Variants in PTPRF observed in about 807,000 individuals in gnomAD.
PTPRF encodes protein tyrosine phosphatase receptor type F.
A neutral mutation model predicts 201.8 loss-of-function variants in PTPRF; 59 were observed. That is an observed-to-expected ratio of 0.29 (90% CI 0.24 to 0.36). The LOEUF (loss-of-function observed/expected upper bound fraction) is 0.36, where lower values mean the gene tolerates loss of function less well. Ranked by LOEUF, PTPRF falls within the 10% of genes least tolerant of loss-of-function variation. PTPRF has a pLI of 1.00. For missense variants in PTPRF, 2,132 were observed against 2,690.5 expected, an observed-to-expected ratio of 0.79 and a Z score of 4.59; for synonymous variants, 1,088 against 1,089.7, an observed-to-expected ratio of 1.00 and a Z score of 0.03.
chr1:43,620,538 C>T lies in PTPRF; in HGVS notation c.5323C>T (p.Pro1775Ser), dbSNP rs752820297. 2.5e-6 allele frequency: 4 copies of T among 1,614,096 alleles called. No individual in the cohort carries two copies. The highest frequency in any genetic ancestry group is 3.4e-6 in the Non-Finnish European group (4 of 1,179,952). The change falls in exon 31 of 34, where the codon CCC becomes TCC. Residue 1775 changes from proline (P) to serine (S), a missense_variant. Physicochemically the swap from Pro to Ser is moderately conservative, Grantham distance 74. Transcript: ENST00000359947. ...VVDPMAEYNMPQYILREFKVT... is the reference protein window; with the variant it reads ...VVDPMAEYNMSQYILREFKVT... ...TGACCCGATGGCTGAGTACAACATGCCCCAGTATATCCTGCGTGAGTTCAA... is the reference window on the plus strand; with the variant it reads ...TGACCCGATGGCTGAGTACAACATGTCCCAGTATATCCTGCGTGAGTTCAA...
Position 43,617,770 on chromosome 1 carries a change from C to T in PTPRF, c.4230C>T (p.Tyr1410=), listed in dbSNP as rs1480297066. 4.3e-6 allele frequency: 7 copies of T among 1,614,016 alleles called. No individual in the cohort carries two copies. The highest frequency in any genetic ancestry group is 5.9e-6 in the Non-Finnish European group (7 of 1,180,018). Residue 1410 remains tyrosine (Y), a synonymous_variant, in exon 25 of 34, where the codon TAC becomes TAT. Transcript: ENST00000359947. ...GGAGTGACTACATCAATGCCAACTA[C>T]ATCGATGGCTACCGCAAGCAGAATG... is the stretch of plus-strand genomic sequence containing the variant. ...VPGSDYINAN[Y]IDGYRKQNAY...
At chr1:43,551,590 G>T (rs975167009) in intron 3 of PTPRF, among the ~76,000 whole-genome samples, 21 of 152,294 alleles carry the variant, frequency 1.4e-4, no homozygotes, top group African/African-American at 5.1e-4. Context: ...CCGTAGGTGA[G>T]CTTAGGAGTG....
At chr1:43,530,637 G>C (rs908128178), upstream of PTPRF, among the ~76,000 whole-genome samples, 3 of 152,180 alleles carry the variant, frequency 2.0e-5, no homozygotes, top group African/African-American at 7.2e-5. This position sits in a 1 kb window ranked among gnomAD's most constrained non-coding sequence, Gnocchi z 4.1. Context: ...GGAGCCACTA[G>C]AAGGATCTGG....
chr1:43,547,501 C>G (rs1644756078), intron 3 of PTPRF, among the ~76,000 whole-genome samples: 1 of 152,232 alleles, frequency 6.6e-6, no homozygotes, highest in South Asian at 2.1e-4. Context: ...ACACTGCACA[C>G]AGTTTTGGAT....
chr1:43,591,519 C>T lies in PTPRF; in HGVS notation c.1497C>T (p.Pro499=). ...LAFTAVGDGP[P]SPTIQVKTQQ... is the part of the protein sequence containing the mutation. The stretch of plus-strand genomic sequence containing the variant: ...TCACCGCCGTGGGCGATGGCCCTCC[C>T]AGCCCCACCATCCAGGTCAAGACGC... The change falls in exon 9 of 34, where the codon CCC becomes CCT. Residue 499 remains proline, a synonymous_variant. Coordinates refer to ENST00000359947, the MANE Select transcript of PTPRF (RefSeq NM_002840.5). The T allele has an allele frequency of 1.3e-6, 2 of 1,598,748 alleles. No individual in the cohort carries two copies. The highest frequency in any genetic ancestry group is 2.2e-5 in the South Asian group (2 of 88,974).
chr1:43,622,095 T>C lies in PTPRF; in HGVS notation c.*92T>C, dbSNP rs1570770270. On this transcript the variant is annotated 3_prime_UTR_variant, in exon 34 of 34. Transcript: ENST00000359947. ...CATACCGACCATCGTCCAGCCCTCC[T>C]ACGCAGATGCTGTCACTGGCAGAGC... The C allele has an allele frequency of 7.4e-6, 10 of 1,354,542 alleles. No homozygotes were observed. The East Asian group carries it at 2.1e-4, about 28-fold the overall frequency. 83.9% of individuals were successfully genotyped at this position (1,354,542 alleles called of 1,614,324 possible).
intron 5 of PTPRF, among the ~76,000 whole-genome samples, chr1:43,562,697 C>T (rs891673959): frequency 6.6e-6 from 1 of 152,034 alleles, no homozygotes; most frequent in Non-Finnish European, 1.5e-5. Context: ...CAGGCATGAG[C>T]CACTGCTCCT....
chr1:43,609,487 A>G lies in PTPRF; in HGVS notation c.3962A>G (p.Tyr1321Cys), dbSNP rs1044521354. 6 of 1,613,006 alleles carry G rather than the reference A, an allele frequency of 3.7e-6. No homozygotes were observed. The highest frequency in any genetic ancestry group is 1.7e-5 in the Admixed American group (1 of 59,904). ...CCTGTGGAGATGCGGAGGCTCAACT[A>G]CCAGACCCCAGGTAGGGCACTCCTA... Reference protein sequence around the residue: ...SDPVEMRRLNYQTPGMRDHPP... With the variant: ...SDPVEMRRLNCQTPGMRDHPP... Residue 1321 changes from tyrosine (Y) to cysteine (C), a missense_variant, in exon 22 of 34, where the codon TAC (tyrosine) becomes TGC (cysteine). Coordinates refer to ENST00000359947, the MANE Select transcript of PTPRF (RefSeq NM_002840.5).
upstream of PTPRF, among the ~76,000 whole-genome samples, chr1:43,525,567 C>T (rs1010117793): frequency 3.4e-4 from 52 of 151,842 alleles, 1 homozygote; most frequent in African/African-American, 1.2e-3. Context: ...TGTTGGGAGG[C>T]CGAGGCAGGC....
chr1:43,570,901 C>T (rs1646522966), intron 6 of PTPRF, among the ~76,000 whole-genome samples: 1 of 152,236 alleles, frequency 6.6e-6, no homozygotes, highest in Non-Finnish European at 1.5e-5. Flanking sequence ...TTTGTGGCCG[C>T]TGCCCAGCGC....
At chr1:43,612,968 C>T (rs1460425636) in intron 22 of PTPRF, among the ~76,000 whole-genome samples, 3 of 152,016 alleles carry the variant, frequency 2.0e-5, no homozygotes, top group Non-Finnish European at 4.4e-5. Context: ...CTTCCCTACC[C>T]TCCCCTCTGC....
chr1:43,598,081 G>A, intron 12 of PTPRF, 28 bp downstream of exon 12: 3 of 1,449,794 alleles, frequency 2.1e-6, no homozygotes, highest in Non-Finnish European at 2.7e-6. Context: ...GGCGGGAGGG[G>A]AGGCGTTCTG....
At chr1:43,592,943 C>T (rs978837581) in intron 11 of PTPRF, among the ~76,000 whole-genome samples, 1 of 152,198 alleles carries the variant, frequency 6.6e-6, no homozygotes, top group African/African-American at 2.4e-5. Context: ...GGGCCATCCT[C>T]GGTGGGTCTG....
intron 3 of PTPRF, among the ~76,000 whole-genome samples, chr1:43,551,539 C>G (rs951048678): frequency 2.0e-4 from 31 of 152,128 alleles, no homozygotes; most frequent in African/African-American, 7.0e-4. Context: ...CCTAGGCACT[C>G]TAAGAACATA....
At chr1:43,616,347 G>A (rs575301937) in intron 23 of PTPRF, among the ~76,000 whole-genome samples, 4 of 151,798 alleles carry the variant, frequency 2.6e-5, no homozygotes, top group Admixed American at 2.0e-4. Flanking sequence ...ATTGCTCTCC[G>A]AGGTGAAGAA....
In PTPRF at chr1:43,605,560, C is replaced by T. The variant is rs367745532; in HGVS notation, c.3421C>T (p.Arg1141Cys). The T allele has an allele frequency of 2.4e-5, 38 of 1,614,028 alleles. No homozygotes were observed. The highest frequency in any genetic ancestry group is 8.3e-5 in the Admixed American group (5 of 60,006). ...CTACATTGTTGTGGTGCCCATTGAC[C>T]GTGTGGGCGGGAGCATGCTGACGCC... ...WFYIVVVPID[R>C]VGGSMLTPRW... Residue 1141 changes from arginine to cysteine, a missense_variant, in exon 19 of 34, where the codon CGT (arginine) becomes TGT (cysteine). This residue lies in a region of PTPRF where 818 missense variants were observed against 915.3 expected (regional missense o/e 0.89). Coordinates refer to ENST00000359947, the MANE Select transcript of PTPRF (RefSeq NM_002840.5).
chr1:43,601,721 C>G (rs1161417385), intron 13 of PTPRF, among the ~76,000 whole-genome samples: 2 of 152,238 alleles, frequency 1.3e-5, no homozygotes, highest in Non-Finnish European at 2.9e-5. Context: ...GTTGAACCCA[C>G]CCTTCTTGTC....
intron 11 of PTPRF, 35 bp downstream of exon 11, chr1:43,592,636 T>C: frequency 1.3e-6 from 2 of 1,546,188 alleles, no homozygotes; most frequent in South Asian, 1.2e-5. Flanking sequence ...CTGTTACACC[T>C]GGGCTGGGAC....
intron 6 of PTPRF, among the ~76,000 whole-genome samples, chr1:43,577,474 C>T (rs1174654121): frequency 1.3e-5 from 2 of 152,216 alleles, no homozygotes; most frequent in Non-Finnish European, 2.9e-5. Flanking sequence ...TCACCTCCAG[C>T]TGCCAGCCCC....
Sources: gnomAD v4.1 joint callset for allele counts (sites outside exome capture counted in the v4.1 genomes callset) on GRCh38, gnomAD v4.1.1 for gene constraint, gnomAD v4.1.1 regional missense constraint, Gnocchi (gnomAD v3.1) non-coding constraint, MANE v1.5 for transcripts, NCBI Gene and HGNC (gene_info 2026-07-23, HGNC 2026-07-21) for gene names.